The following UBR3 variants were observed in gnomAD, a reference collection of about 807,000 sequenced individuals.
UBR3 encodes ubiquitin protein ligase E3 component n-recognin 3.
A neutral mutation model predicts 243.2 loss-of-function variants in UBR3; 85 were observed. The observed-to-expected ratio is 0.35, with a 90% CI of 0.29 to 0.42. The LOEUF is 0.42. Among genes scored for constraint, UBR3 ranks in the 10% least tolerant of loss-of-function variants. The probability of loss-of-function intolerance (pLI) is 1.00; values close to 1 mark genes in which losing one functional copy is unlikely to be tolerated. For synonymous variants in UBR3, 748 were observed against 799.8 expected (o/e 0.94, Z 1.09); for missense variants, 1,686 against 2,300.8 (o/e 0.73, Z 5.47).
chr2:169,907,491 C>T lies in UBR3; in HGVS notation c.1779+1327C>T, dbSNP rs985142263. 3.9e-5 allele frequency among the ~76,000 whole-genome samples: 6 copies of T among 152,118 alleles called. No individual in the cohort carries two copies. The East Asian group carries it at 7.7e-4, about 20-fold the overall frequency. Reference sequence around the variant, plus strand: ...AAGAATCTTTCGTTCTAGAAATATTCCTCTCCTGCTTTTTTCCTTTATTTC... The same window carrying T: ...AAGAATCTTTCGTTCTAGAAATATTTCTCTCCTGCTTTTTTCCTTTATTTC... On this transcript the variant is annotated intron_variant, in intron 10 of 38. Coordinates refer to ENST00000272793, the MANE Select transcript of UBR3 (RefSeq NM_172070.4).
chr2:169,964,470 A>G (rs1025296549), intron 24 of UBR3: 10 of 469,318 alleles, frequency 2.1e-5, no homozygotes, highest in Admixed American at 1.9e-4. Context: ...ATTGCCTTGA[A>G]TAAGAGAATG....
At chr2:170,059,301 A>G (rs1252566551) in intron 33 of UBR3, among the ~76,000 whole-genome samples, 1 of 152,214 alleles carries the variant, frequency 6.6e-6, no homozygotes, top group East Asian at 1.9e-4. Context: ...TCACTCAGTG[A>G]CTTACTTAGC....
At chr2:169,908,999 A>G (rs2085136092) in intron 10 of UBR3, among the ~76,000 whole-genome samples, 2 of 150,746 alleles carry the variant, frequency 1.3e-5, no homozygotes, top group Admixed American at 6.6e-5. Context: ...AATTTTTTGT[A>G]TTTTTTTTAG....
At chr2:169,846,178 G>A (rs1029466290) in intron 1 of UBR3, among the ~76,000 whole-genome samples, 4 of 152,064 alleles carry the variant, frequency 2.6e-5, no homozygotes, top group African/African-American at 7.2e-5. Flanking sequence ...ATATAACCGT[G>A]GATTTGTCTC....
At chr2:169,984,249 C>A (rs1343225293) in intron 24 of UBR3, among the ~76,000 whole-genome samples, 1 of 151,918 alleles carries the variant, frequency 6.6e-6, no homozygotes, top group South Asian at 2.1e-4. Flanking sequence ...TAAAAGAAAC[C>A]TTTTTATTGA....
intron 5 of UBR3, 84 bp downstream of exon 5, chr2:169,878,658 T>G: frequency 8.2e-7 from 1 of 1,216,870 alleles, no homozygotes; most frequent in Non-Finnish European, 1.2e-6. Flanking sequence ...TTCTTTATAG[T>G]TCTGAAACTG....
intron 29 of UBR3, among the ~76,000 whole-genome samples, chr2:170,010,148 A>G (rs2090040585): frequency 1.3e-5 from 2 of 152,186 alleles, no homozygotes; most frequent in Non-Finnish European, 2.9e-5. Flanking sequence ...TTTTTGGGGA[A>G]GACATAACAT....
chr2:169,886,905 A>G (rs1422629579), intron 5 of UBR3, among the ~76,000 whole-genome samples: 1 of 152,164 alleles, frequency 6.6e-6, no homozygotes, highest in Non-Finnish European at 1.5e-5. Context: ...AGATCTTTGT[A>G]TTTCATTTTT....
chr2:170,070,734 G>A (rs1214446564), intron 35 of UBR3, among the ~76,000 whole-genome samples: 1 of 152,088 alleles, frequency 6.6e-6, no homozygotes, highest in African/African-American at 2.4e-5. Flanking sequence ...TTACAATGGG[G>A]TGATGAAAAT....
At chr2:169,876,080 A>AATT in intron 3 of UBR3, 131 bp downstream of exon 3, 1 of 775,344 alleles carries the variant, frequency 1.3e-6, no homozygotes, top group Admixed American at 4.3e-5. Flanking sequence ...TATTAAGAGA[A>AATT]CTTCTTTTTT....
rs528674523 is a variant in UBR3, at chr2:169,923,155, G to A, written c.1867-774G>A. Among the ~76,000 whole-genome samples, 16 of 152,288 alleles carry A rather than the reference G, an allele frequency of 1.1e-4. 1 individual carries two copies. In the Middle Eastern group the frequency reaches 0.01, roughly 97 times the overall value. ...AATACAGTTTTTGTAATATTTACAGGAATGCCTAAGGTCATTCACATATTT... is the reference window on the plus strand; with the variant it reads ...AATACAGTTTTTGTAATATTTACAGAAATGCCTAAGGTCATTCACATATTT... On this transcript the variant is annotated intron_variant, in intron 11 of 38. Transcript: ENST00000272793.
In UBR3 at chr2:169,949,853, G is replaced by T. The variant is rs776493529; in HGVS notation, c.3333G>T (p.Trp1111Cys). Reference protein sequence around the residue: ...SGKQNSYYPPWLDDIEILIQP... With the variant: ...SGKQNSYYPPCLDDIEILIQP... ...AACAAAACTCCTACTATCCTCCTTGGCTTGATGACATAGAAATTTTAATCC... is the reference window on the plus strand; with the variant it reads ...AACAAAACTCCTACTATCCTCCTTGTCTTGATGACATAGAAATTTTAATCC... The change falls in exon 23 of 39, where the codon TGG (tryptophan) becomes TGT (cysteine). Residue 1111 changes from tryptophan (W) to cysteine (C), a missense_variant. Coordinates refer to ENST00000272793, the MANE Select transcript of UBR3 (RefSeq NM_172070.4). 1 of 1,584,344 alleles carries T rather than the reference G, an allele frequency of 6.3e-7. No individual in the cohort carries two copies.
At chr2:170,005,219 G>T (rs530579206) in intron 27 of UBR3, among the ~76,000 whole-genome samples, 1 of 152,068 alleles carries the variant, frequency 6.6e-6, no homozygotes, top group Non-Finnish European at 1.5e-5. Context: ...GCAAGGCTCC[G>T]TCTCAAACAA....
At chr2:169,854,478 A>G (rs1339916281) in intron 1 of UBR3, among the ~76,000 whole-genome samples, 2 of 152,028 alleles carry the variant, frequency 1.3e-5, no homozygotes, top group Non-Finnish European at 2.9e-5. Flanking sequence ...TTTTTTTGTC[A>G]TTGAGAAAGT....
rs375914504 is a variant in UBR3, at chr2:169,958,400, G to A, written c.3546-38G>A. 1.5e-5 allele frequency: 23 copies of A among 1,582,572 alleles called. No homozygotes were observed. The East Asian group carries it at 2.7e-4, about 19-fold the overall frequency. Reference sequence around the variant, plus strand: ...GAAATATAGTAGCTAGGTCTTAAGCGCATCTGATACTTAAAACTTTATTTC... The same window carrying A: ...GAAATATAGTAGCTAGGTCTTAAGCACATCTGATACTTAAAACTTTATTTC... On this transcript the variant is annotated intron_variant, in intron 23 of 38. Coordinates refer to ENST00000272793, the MANE Select transcript of UBR3 (RefSeq NM_172070.4).
rs1447919104 is a variant in UBR3 at position 169,923,910 on chromosome 2, TTTTG to T, written c.1867-11_1867-8del. On this transcript the variant is annotated splice_polypyrimidine_tract_variant and intron_variant, in intron 11 of 38. Transcript: ENST00000272793. ...TATAAAATAGTCTTTGACTTGTGCA[TTTTG>T]TTTGTTTATTCCAGCCAGCACCTAA... The T allele has an allele frequency of 3.3e-6, 5 of 1,527,630 alleles. No individual in the cohort carries two copies. Among genetic ancestry groups the T allele is most frequent in the Admixed American group, 2.3e-5 (1 of 44,378 alleles). The allele number at this position is 1,527,630 out of a possible 1,614,324, so 94.6% of individuals were successfully genotyped here.
At chr2:169,983,181 G>A (rs2088824893) in intron 24 of UBR3, among the ~76,000 whole-genome samples, 1 of 151,624 alleles carries the variant, frequency 6.6e-6, no homozygotes, top group South Asian at 2.1e-4. Context: ...GAGCAGGAGA[G>A]AGAAACTATG....
intron 30 of UBR3, among the ~76,000 whole-genome samples, chr2:170,024,992 TG>T (rs1176800392): frequency 1.3e-5 from 2 of 152,174 alleles, no homozygotes; most frequent in Admixed American, 1.3e-4. Flanking sequence ...AAAGTAGGGC[TG>T]ATTAATTGGC....
Position 169,928,841 on chromosome 2 carries a change from A to G in UBR3, c.2539A>G (p.Met847Val). Residue 847 changes from methionine (M) to valine (V), a missense_variant, in exon 18 of 39, where the codon ATG becomes GTG. Met to Val is a conservative substitution (Grantham distance 21). Coordinates refer to ENST00000272793, the MANE Select transcript of UBR3 (RefSeq NM_172070.4). ...TCCTGTTTTTGAACCTGGAGGTTCT[A>G]TGCAACAAGGCATGTATACTCCCAA... ...KAPVFEPGGS[M>V]QQGMYTPKAE... is the part of the protein sequence containing the mutation. 1.3e-6 allele frequency: 2 copies of G among 1,494,334 alleles called. No individual in the cohort carries two copies. Among genetic ancestry groups the G allele is most frequent in the African/African-American group, 1.4e-5 (1 of 72,608 alleles). The allele number at this position is 1,494,334 out of a possible 1,614,324, so 92.6% of individuals were successfully genotyped here. A position where few individuals can be genotyped will look rare whatever the true frequency, so the allele number is the denominator to read the frequency against.
Sources: gnomAD v4.1 joint callset for allele counts (sites outside exome capture counted in the v4.1 genomes callset) on GRCh38, gnomAD v4.1.1 for gene constraint, MANE v1.5 for transcripts, NCBI Gene and HGNC (gene_info 2026-07-23, HGNC 2026-07-21) for gene names.